PATJ: variants seen among roughly 807,000 people sequenced by gnomAD.
PATJ encodes the protein PATJ crumbs cell polarity complex component, also known as inaD-like protein.
A neutral mutation model predicts 224.9 loss-of-function variants in PATJ; 190 were observed. The ratio of observed to expected loss-of-function variants is 0.84; its 90% confidence interval spans 0.75 to 0.95. PATJ has a LOEUF of 0.95. PATJ is among the 40% of genes least tolerant of loss of function. The probability of loss-of-function intolerance (pLI) is 0.00; values close to 1 mark genes in which losing one functional copy is unlikely to be tolerated. For synonymous variants in PATJ, 769 were observed against 820.3 expected (o/e 0.94, Z 1.07); for missense variants, 2,121 against 2,270.3 (o/e 0.93, Z 1.34).
intron 41 of PATJ, among the ~76,000 whole-genome samples, chr1:62,138,958 A>G (rs1306574897): frequency 1.3e-5 from 2 of 151,982 alleles, no homozygotes; most frequent in South Asian, 2.1e-4. Context: ...GCATGTATTC[A>G]TATCTGCCTC....
chr1:61,849,741 T>C (rs1662521768), intron 17 of PATJ, among the ~76,000 whole-genome samples: 1 of 152,250 alleles, frequency 6.6e-6, no homozygotes, highest in East Asian at 1.9e-4. Flanking sequence ...CATCCTGCTG[T>C]GTGGTCTTTA....
intron 18 of PATJ, among the ~76,000 whole-genome samples, chr1:61,859,550 C>T (rs1292141971): frequency 1.3e-5 from 2 of 150,698 alleles, no homozygotes; most frequent in East Asian, 1.9e-4. Flanking sequence ...TCTCTCTCTC[C>T]CTCTCTCTCT....
intron 28 of PATJ, among the ~76,000 whole-genome samples, chr1:62,007,220 G>GA (rs1330305835): frequency 6.6e-6 from 1 of 152,010 alleles, no homozygotes; most frequent in Admixed American, 6.6e-5. Context: ...CAGAACCTGG[G>GA]AAAAAAATGA....
chr1:62,107,231 A>G (rs1476906810), intron 33 of PATJ, among the ~76,000 whole-genome samples: 1 of 151,838 alleles, frequency 6.6e-6, no homozygotes, highest in Non-Finnish European at 1.5e-5. Context: ...GCGTGAACCC[A>G]GGAGACGGAG....
intron 28 of PATJ, among the ~76,000 whole-genome samples, chr1:61,992,816 G>A (rs539324829): frequency 3.0e-4 from 46 of 152,316 alleles, no homozygotes; most frequent in African/African-American, 1.0e-3. Flanking sequence ...GGACTTGGAA[G>A]ACCTACCGTA....
At chr1:62,132,834 G>A (rs1370269769) in intron 41 of PATJ, among the ~76,000 whole-genome samples, 1 of 152,006 alleles carries the variant, frequency 6.6e-6, no homozygotes, top group East Asian at 1.9e-4. Flanking sequence ...AGCCCGGGGG[G>A]CAGAGGTTGC....
intron 20 of PATJ, among the ~76,000 whole-genome samples, chr1:61,872,303 A>T (rs563025395): frequency 2.0e-5 from 3 of 152,232 alleles, no homozygotes; most frequent in Admixed American, 2.0e-4. Context: ...CTTAGGCTCC[A>T]TTAGTTATCT....
chr1:61,962,378 A>G (rs1215821961), intron 27 of PATJ, among the ~76,000 whole-genome samples: 1 of 152,220 alleles, frequency 6.6e-6, no homozygotes, highest in East Asian at 1.9e-4. Context: ...GGCACTGACT[A>G]TATGTCCTTC....
At chr1:61,848,692 A>G (rs1292771683) in intron 17 of PATJ, among the ~76,000 whole-genome samples, 1 of 152,142 alleles carries the variant, frequency 6.6e-6, no homozygotes, top group Non-Finnish European at 1.5e-5. Context: ...CTGGGATTAC[A>G]CTATGCCCGG....
At position 61,833,749 on chromosome 1, in the gene PATJ, T is replaced by C. The variant is rs147152988; in HGVS notation, c.2076T>C (p.Asp692=). The C allele has an allele frequency of 4.0e-5, 65 of 1,613,644 alleles. No homozygotes were observed. In the African/African-American group the frequency reaches 7.6e-4, roughly 19 times the overall value. Residue 692 remains aspartate, a synonymous_variant, in exon 17 of 44, where the codon GAT becomes GAC. Coordinates refer to ENST00000642238, the MANE Select transcript of PATJ (RefSeq NM_001350145.3). ...TCAAGATTGTTGAACTAGTAAAAGA[T>C]TGTAAAGGTTTGGGATTCAGCATTT... ...PEVKIVELVK[D]CKGLGFSILD... is the part of the protein sequence containing the mutation.
chr1:61,860,552 G>A (rs747754434), intron 18 of PATJ, among the ~76,000 whole-genome samples: 3 of 152,058 alleles, frequency 2.0e-5, no homozygotes, highest in Non-Finnish European at 2.9e-5. Flanking sequence ...GGCTGTACGC[G>A]GTGGCTCACG....
chr1:62,070,845 C>A (rs895024653), intron 31 of PATJ, among the ~76,000 whole-genome samples: 4 of 152,142 alleles, frequency 2.6e-5, no homozygotes, highest in Non-Finnish European at 4.4e-5. Flanking sequence ...AGGCTCCAGT[C>A]TCAGGATAGT....
chr1:62,018,019 C>A lies in PATJ; in HGVS notation c.3959+72C>A. The A allele has an allele frequency of 1.3e-6, 1 of 794,964 alleles. No individual in the cohort carries two copies. Among genetic ancestry groups the A allele is most frequent in the Non-Finnish European group, 2.2e-6 (1 of 451,972 alleles). 49.2% of individuals were successfully genotyped at this position (794,964 alleles called of 1,614,324 possible). On this transcript the variant is annotated intron_variant, in intron 29 of 43. Coordinates refer to ENST00000642238, the MANE Select transcript of PATJ (RefSeq NM_001350145.3). The surrounding 1 kb of genome is among the most constrained non-coding windows in gnomAD (Gnocchi z 4.2). ...AGATGTTATTAGTGTAAGACTATGT[C>A]ATCTTTGATTTGTCTAGCGAAATCA...
At chr1:61,836,936 G>A (rs1356368370) in intron 17 of PATJ, among the ~76,000 whole-genome samples, 1 of 152,196 alleles carries the variant, frequency 6.6e-6, no homozygotes, top group Non-Finnish European at 1.5e-5. Context: ...ATTGGTAGAG[G>A]GAGAGAACTT....
At position 62,079,333 on chromosome 1, in the gene PATJ, T is replaced by C; in HGVS notation, c.4126-117T>C. 1.8e-5 allele frequency: 12 copies of C among 654,346 alleles called. No individual in the cohort carries two copies. In the South Asian group the frequency reaches 2.3e-4, roughly 13 times the overall value. 40.5% of individuals were successfully genotyped at this position (654,346 alleles called of 1,614,324 possible). Reference sequence around the variant, plus strand: ...TTCTTGCCACCCTCCAACCTTATATTCTCAAAAGACATCATTGGACTGCAC... The same window carrying C: ...TTCTTGCCACCCTCCAACCTTATATCCTCAAAAGACATCATTGGACTGCAC... On this transcript the variant is annotated intron_variant, in intron 31 of 43. Coordinates refer to ENST00000642238, the MANE Select transcript of PATJ (RefSeq NM_001350145.3).
At chr1:61,902,451 C>T (rs1334547240) in intron 24 of PATJ, among the ~76,000 whole-genome samples, 1 of 151,810 alleles carries the variant, frequency 6.6e-6, no homozygotes, top group Non-Finnish European at 1.5e-5. Flanking sequence ...CGGAGTCTGT[C>T]CTTTTTATTT....
At chr1:61,832,702 A>G (rs570916906) in intron 16 of PATJ, among the ~76,000 whole-genome samples, 251 of 152,306 alleles carry the variant, frequency 1.6e-3, no homozygotes, top group Non-Finnish European at 3.3e-3. Flanking sequence ...CAGAGTTTCC[A>G]TTCTAGCTTA....
intron 30 of PATJ, among the ~76,000 whole-genome samples, chr1:62,045,135 C>A (rs1208352719): frequency 6.6e-6 from 1 of 152,000 alleles, no homozygotes; most frequent in Non-Finnish European, 1.5e-5. Context: ...GCTGGAGAAT[C>A]ACTTGAACCC....
At chr1:61,953,580 G>A (rs890710741) in intron 27 of PATJ, among the ~76,000 whole-genome samples, 2 of 152,196 alleles carry the variant, frequency 1.3e-5, no homozygotes, top group African/African-American at 4.8e-5. Context: ...AGTGACAACT[G>A]TCTGACTATA....
Sources: gnomAD v4.1 joint callset for allele counts (sites outside exome capture counted in the v4.1 genomes callset) on GRCh38, gnomAD v4.1.1 for gene constraint, Gnocchi (gnomAD v3.1) non-coding constraint, MANE v1.5 for transcripts, NCBI Gene and HGNC (gene_info 2026-07-23, HGNC 2026-07-21) for gene names.